The following ITSN1 variants were observed in gnomAD, a reference collection of about 807,000 sequenced individuals.
ITSN1 encodes the protein intersectin 1, also known as intersectin-1.
ITSN1 carries 58 observed loss-of-function variants against 239.8 expected under a neutral mutation model. That is an observed-to-expected ratio of 0.24 (90% CI 0.20 to 0.30). The LOEUF is 0.30. Ranked by LOEUF, ITSN1 falls within the 10% of genes least tolerant of loss-of-function variation. The pLI is 1.00. For missense variants in ITSN1, 1,558 were observed against 2,103.3 expected, an observed-to-expected ratio of 0.74 and a Z score of 5.07; for synonymous variants, 780 against 770.8, an observed-to-expected ratio of 1.01 and a Z score of -0.20.
At chr21:33,875,147 G>T (rs372702667) in intron 33 of ITSN1, among the ~76,000 whole-genome samples, 4 of 152,154 alleles carry the variant, frequency 2.6e-5, no homozygotes, top group Admixed American at 6.5e-5. Flanking sequence ...ACTGCTTCCC[G>T]CAATGCCACC....
intron 14 of ITSN1, among the ~76,000 whole-genome samples, chr21:33,777,800 T>G (rs1368580684): frequency 6.6e-6 from 1 of 152,346 alleles, no homozygotes; most frequent in Non-Finnish European, 1.5e-5. Flanking sequence ...CTAACTTCCT[T>G]TGTGTGTCTT....
At chr21:33,745,805 G>C (rs1353644404) in intron 5 of ITSN1, among the ~76,000 whole-genome samples, 1 of 152,160 alleles carries the variant, frequency 6.6e-6, no homozygotes, top group Admixed American at 6.5e-5. Flanking sequence ...GTATATTCTT[G>C]GCTGAGGCTA....
At chr21:33,833,955 C>T (rs1232273530) in intron 27 of ITSN1, among the ~76,000 whole-genome samples, 4 of 151,066 alleles carry the variant, frequency 2.6e-5, no homozygotes, top group Non-Finnish European at 4.4e-5. Context: ...AACCCATATA[C>T]AGTGTTGGCA....
rs1192026916 is a variant in ITSN1, at chr21:33,781,613, C to T, written c.1684+65C>T. The T allele has an allele frequency of 6.5e-6, 6 of 923,924 alleles. No homozygotes were observed. The African/African-American group carries it at 8.7e-5, about 13-fold the overall frequency. 57.2% of individuals were successfully genotyped at this position (923,924 alleles called of 1,614,324 possible). A position where few individuals can be genotyped will look rare whatever the true frequency, so the allele number is the denominator to read the frequency against. On this transcript the variant is annotated intron_variant, in intron 15 of 39. Transcript: ENST00000381318. ...TTTCTTTTTTTGACATGGAGTCTCA[C>T]TCTGTCCCCCAGGCTGGAGTGCAGT...
chr21:33,828,430 C>T (rs924953889), intron 26 of ITSN1, among the ~76,000 whole-genome samples: 2 of 152,210 alleles, frequency 1.3e-5, no homozygotes, highest in South Asian at 4.1e-4. Context: ...CAGGCAGGGC[C>T]AGGCCTGCAC....
At position 33,760,224 on chromosome 21, in the gene ITSN1, T is replaced by C. The variant is rs190083389; in HGVS notation, c.725-1699T>C. 1.1e-4 allele frequency among the ~76,000 whole-genome samples: 16 copies of C among 152,036 alleles called. No individual in the cohort carries two copies. In the East Asian group the frequency reaches 2.5e-3, roughly 24 times the overall value. ...AATGTTCTACAACTCTACACGACAATATATTGAGCAAAATAAGCCAGGTGG... is the reference window on the plus strand; with the variant it reads ...AATGTTCTACAACTCTACACGACAACATATTGAGCAAAATAAGCCAGGTGG... On this transcript the variant is annotated intron_variant, in intron 8 of 39. Transcript: ENST00000381318.
At chr21:33,735,374 T>C in intron 5 of ITSN1, 170 bp downstream of exon 5, 2 of 741,616 alleles carry the variant, frequency 2.7e-6, no homozygotes, top group Non-Finnish European at 4.8e-6. Context: ...AAGGAGCATG[T>C]TCACATTTGA....
chr21:33,838,352 T>G, intron 29 of ITSN1: 1 of 985,344 alleles, frequency 1.0e-6, no homozygotes, highest in African/African-American at 1.7e-5. Flanking sequence ...AGCGAGGACC[T>G]CTCCTCCTCG....
At chr21:33,700,375 G>A (rs1403061435) in intron 1 of ITSN1, among the ~76,000 whole-genome samples, 1 of 152,052 alleles carries the variant, frequency 6.6e-6, no homozygotes, top group Non-Finnish European at 1.5e-5. Flanking sequence ...GTGAGCCACC[G>A]CACTTGGCCC....
intron 1 of ITSN1, among the ~76,000 whole-genome samples, chr21:33,649,349 A>G (rs1282761564): frequency 6.6e-6 from 1 of 152,240 alleles, no homozygotes; most frequent in Non-Finnish European, 1.5e-5. Context: ...ATGGGATGGT[A>G]GAATGTCACT....
chr21:33,675,899 C>G (rs1410800627), intron 1 of ITSN1, among the ~76,000 whole-genome samples: 2 of 152,098 alleles, frequency 1.3e-5, no homozygotes, highest in Non-Finnish European at 2.9e-5. Flanking sequence ...ACATTAATTC[C>G]TTACATCATA....
At chr21:33,855,077 G>A (rs1387478086) in intron 29 of ITSN1, among the ~76,000 whole-genome samples, 1 of 152,186 alleles carries the variant, frequency 6.6e-6, no homozygotes, top group African/African-American at 2.4e-5. Context: ...ATATCATTTG[G>A]CCCAGAGGGA....
At chr21:33,703,915 T>C (rs766335000) in intron 1 of ITSN1, among the ~76,000 whole-genome samples, 3 of 152,202 alleles carry the variant, frequency 2.0e-5, no homozygotes, top group Non-Finnish European at 4.4e-5. Context: ...AGCCCTGAGG[T>C]GCTGCCTCTG....
In ITSN1 at chr21:33,889,868, T is replaced by C. The variant is rs1986243031; in HGVS notation, c.*1568T>C. The C allele has an allele frequency of 6.6e-6, 1 of 152,256 alleles. No homozygotes were observed. Among genetic ancestry groups the C allele is most frequent in the African/African-American group, 2.4e-5 (1 of 41,460 alleles). 9.4% of individuals were successfully genotyped at this position (152,256 alleles called of 1,614,324 possible). ...GAGCCCGGTCATACTTCAAGCAATT[T>C]TTTTAAAAGTGTGTGTTGGAAAGGA... On this transcript the variant is annotated 3_prime_UTR_variant, in exon 40 of 40. Coordinates refer to ENST00000381318, the MANE Select transcript of ITSN1 (RefSeq NM_003024.3).
chr21:33,839,771 C>T (rs959863325), intron 29 of ITSN1, among the ~76,000 whole-genome samples: 4 of 152,182 alleles, frequency 2.6e-5, no homozygotes, highest in Non-Finnish European at 1.5e-5. Context: ...TGGGTTGTTC[C>T]CCAGGAAGCT....
At position 33,882,217 on chromosome 21, in the gene ITSN1, C is replaced by G; in HGVS notation, c.4342-26C>G. On this transcript the variant is annotated intron_variant, in intron 34 of 39. Coordinates refer to ENST00000381318, the MANE Select transcript of ITSN1 (RefSeq NM_003024.3). The surrounding 1 kb of genome is among the most constrained non-coding windows in gnomAD (Gnocchi z 4.5). ...GATGCGGAGAAACAAAAATGCTACA[C>G]TTTGGGTTTTGTTTTCCTTTCTCAG... The G allele has an allele frequency of 1.2e-6, 2 of 1,604,808 alleles. No homozygotes were observed. The highest frequency in any genetic ancestry group is 1.7e-6 in the Non-Finnish European group (2 of 1,173,466).
intron 1 of ITSN1, among the ~76,000 whole-genome samples, chr21:33,681,087 C>T (rs1030658071): frequency 6.6e-6 from 1 of 152,160 alleles, no homozygotes; most frequent in Non-Finnish European, 1.5e-5. Context: ...AAGCAAGTCA[C>T]GTGGTCATGC....
intron 23 of ITSN1, 105 bp from the exon 24 acceptor site, chr21:33,819,136 G>T (rs1014463240): frequency 1.3e-6 from 1 of 796,822 alleles, no homozygotes; most frequent in Admixed American, 2.4e-5. Context: ...GCTGTGGGTC[G>T]TTTAAAGTTT....
chr21:33,795,885 G>A (rs565741012), intron 17 of ITSN1, among the ~76,000 whole-genome samples: 11 of 150,050 alleles, frequency 7.3e-5, no homozygotes, highest in South Asian at 6.3e-4. Flanking sequence ...GCAAATTAAC[G>A]TCAGAAATTA....
Sources: allele counts gnomAD v4.1 joint callset (sites outside exome capture counted in the v4.1 genomes callset), GRCh38; gene constraint gnomAD v4.1.1; non-coding constraint Gnocchi (gnomAD v3.1); transcripts MANE v1.5; gene names NCBI Gene and HGNC (gene_info 2026-07-23, HGNC 2026-07-21).